SSBP2: variants seen among roughly 807,000 people sequenced by gnomAD.
SSBP2 encodes the protein single stranded DNA binding protein 2.
Under a neutral mutation model 61.8 loss-of-function variants are expected in SSBP2, and 17 were observed. That is an observed-to-expected ratio of 0.28 (90% CI 0.19 to 0.41). The LOEUF (loss-of-function observed/expected upper bound fraction) is 0.41, where lower values mean the gene tolerates loss of function less well. SSBP2 is among the 10% of genes least tolerant of loss of function. The probability of loss-of-function intolerance (pLI) is 1.00; values close to 1 mark genes in which losing one functional copy is unlikely to be tolerated. For missense variants in SSBP2, 310 were observed against 458.7 expected (o/e 0.68, Z 2.96); for synonymous variants, 139 against 141.3 (o/e 0.98, Z 0.12).
At chr5:81,545,397 A>G (rs1457064674) in intron 4 of SSBP2, among the ~76,000 whole-genome samples, 3 of 152,192 alleles carry the variant, frequency 2.0e-5, no homozygotes, top group Non-Finnish European at 2.9e-5. Flanking sequence ...TTGACTAATA[A>G]AAAACATACA....
Position 81,663,459 on chromosome 5 carries a change from CAAGT to C in SSBP2, c.63-13124_63-13121del, listed in dbSNP as rs371895826. Among the ~76,000 whole-genome samples the C allele has an allele frequency of 3.7e-4, 56 of 152,218 alleles. No individual in the cohort carries two copies. The Middle Eastern group carries it at 0.01, about 28-fold the overall frequency. On this transcript the variant is annotated intron_variant, in intron 1 of 16. Transcript: ENST00000320672. The stretch of plus-strand genomic sequence containing the variant: ...TTTTAACTTTGTGAACAGGATTCAT[CAAGT>C]GTTTCCTTACATTTTATGTGCTAGT...
intron 1 of SSBP2, among the ~76,000 whole-genome samples, chr5:81,678,499 G>A (rs1752156375): frequency 6.6e-6 from 1 of 152,064 alleles, no homozygotes; most frequent in Non-Finnish European, 1.5e-5. Flanking sequence ...AACAGAAGTA[G>A]TATCTGAGCA....
chr5:81,666,389 G>C (rs1751138627), intron 1 of SSBP2, among the ~76,000 whole-genome samples: 1 of 152,040 alleles, frequency 6.6e-6, no homozygotes, highest in Non-Finnish European at 1.5e-5. Context: ...ATGGATAGTT[G>C]GGCATAAAAA....
At chr5:81,684,805 A>C (rs1337098742) in intron 1 of SSBP2, among the ~76,000 whole-genome samples, 1 of 152,132 alleles carries the variant, frequency 6.6e-6, no homozygotes, top group Non-Finnish European at 1.5e-5. Flanking sequence ...CTTTTGAGTT[A>C]ATGCTGAATG....
chr5:81,510,621 C>T (rs931394976), intron 5 of SSBP2, among the ~76,000 whole-genome samples: 15 of 151,962 alleles, frequency 9.9e-5, no homozygotes, highest in African/African-American at 3.4e-4. Context: ...ATTAGCCGGG[C>T]GTGGTGGCAC....
chr5:81,544,858 G>T (rs1010909626), intron 4 of SSBP2, among the ~76,000 whole-genome samples: 1 of 152,148 alleles, frequency 6.6e-6, no homozygotes, highest in African/African-American at 2.4e-5. Flanking sequence ...TACAAAGTGG[G>T]TGGAAGTGAT....
At chr5:81,658,419 C>T (rs1750412463) in intron 1 of SSBP2, among the ~76,000 whole-genome samples, 1 of 152,150 alleles carries the variant, frequency 6.6e-6, no homozygotes, top group Admixed American at 6.6e-5. Context: ...TCCACAGATG[C>T]TCAAGTCCCT....
At chr5:81,490,112 A>G (rs943349467) in intron 5 of SSBP2, among the ~76,000 whole-genome samples, 1 of 152,070 alleles carries the variant, frequency 6.6e-6, no homozygotes, top group Non-Finnish European at 1.5e-5. Flanking sequence ...TATGAAGCGT[A>G]TATTTTTAAC....
intron 4 of SSBP2, among the ~76,000 whole-genome samples, chr5:81,564,446 C>G (rs749631543): frequency 6.6e-6 from 1 of 152,158 alleles, no homozygotes; most frequent in Admixed American, 6.5e-5. Context: ...TAATAAAATT[C>G]CTTTTTCTTA....
chr5:81,701,032 T>C (rs887657070), intron 1 of SSBP2, among the ~76,000 whole-genome samples: 2 of 151,776 alleles, frequency 1.3e-5, no homozygotes, highest in Non-Finnish European at 3.0e-5. Flanking sequence ...CTTGGCTGTT[T>C]GGCACAAGGG....
intron 4 of SSBP2, among the ~76,000 whole-genome samples, chr5:81,523,541 C>T (rs1769665459): frequency 6.6e-6 from 1 of 151,992 alleles, no homozygotes; most frequent in African/African-American, 2.4e-5. Flanking sequence ...CAATTTAGTG[C>T]AATTACCTCT....
chr5:81,496,596 T>G (rs1767300110), intron 5 of SSBP2, among the ~76,000 whole-genome samples: 1 of 152,210 alleles, frequency 6.6e-6, no homozygotes, highest in Non-Finnish European at 1.5e-5. Context: ...CTTCACAAAA[T>G]TGCTCACTTG....
chr5:81,472,382 T>C (rs1222139345), intron 8 of SSBP2, among the ~76,000 whole-genome samples: 1 of 152,148 alleles, frequency 6.6e-6, no homozygotes, highest in African/African-American at 2.4e-5. Context: ...GGAAATTTTA[T>C]AGAGAAGTCA....
intron 4 of SSBP2, among the ~76,000 whole-genome samples, chr5:81,553,483 A>C (rs992011660): frequency 2.6e-5 from 4 of 152,184 alleles, no homozygotes; most frequent in Non-Finnish European, 4.4e-5. Flanking sequence ...AGCATCAGAA[A>C]AATATCATTA....
At chr5:81,494,759 A>G (rs1266284975) in intron 5 of SSBP2, among the ~76,000 whole-genome samples, 1 of 152,174 alleles carries the variant, frequency 6.6e-6, no homozygotes, top group Non-Finnish European at 1.5e-5. Context: ...GGAATAACCC[A>G]AAGTAGAAGA....
intron 4 of SSBP2, among the ~76,000 whole-genome samples, chr5:81,572,601 G>C (rs1230683777): frequency 1.3e-5 from 2 of 152,078 alleles, no homozygotes; most frequent in Admixed American, 6.5e-5. Flanking sequence ...AATGTGTTTT[G>C]GAACTGAAAA....
intron 15 of SSBP2, 136 bp downstream of exon 15, chr5:81,437,294 C>T: frequency 1.3e-6 from 1 of 778,312 alleles, no homozygotes; most frequent in Non-Finnish European, 2.1e-6. Flanking sequence ...TCTTAACTTC[C>T]AATTAATTAT....
chr5:81,727,424 C>T (rs1357158715), intron 1 of SSBP2, among the ~76,000 whole-genome samples: 1 of 152,092 alleles, frequency 6.6e-6, no homozygotes, highest in Non-Finnish European at 1.5e-5. Flanking sequence ...TGGCACATGC[C>T]TGTAATCCCA....
intron 6 of SSBP2, among the ~76,000 whole-genome samples, chr5:81,476,021 G>C (rs978375758): frequency 8.6e-5 from 13 of 151,984 alleles, no homozygotes; most frequent in African/African-American, 2.9e-4. Context: ...ACCTTGACTC[G>C]GATTGCCAAC....
Sources: allele counts gnomAD v4.1 joint callset (sites outside exome capture counted in the v4.1 genomes callset), GRCh38; gene constraint gnomAD v4.1.1; transcripts MANE v1.5; gene names NCBI Gene and HGNC (gene_info 2026-07-23, HGNC 2026-07-21).